PTPRG: variants seen among roughly 807,000 people sequenced by gnomAD.
The protein encoded by PTPRG is receptor-type tyrosine-protein phosphatase gamma.
PTPRG carries 102 observed loss-of-function variants against 165.3 expected under a neutral mutation model. The ratio of observed to expected loss-of-function variants is 0.62; its 90% CI spans 0.53 to 0.73. PTPRG has a LOEUF of 0.73. Among genes scored for constraint, PTPRG ranks in the 30% least tolerant of loss-of-function variants. The pLI, the probability that PTPRG is intolerant of heterozygous loss-of-function variation, is 0.00. For synonymous variants in PTPRG, 675 were observed against 669.5 expected, an observed-to-expected ratio of 1.01 and a Z score of -0.13; for missense variants, 1,866 against 1,861.4, an observed-to-expected ratio of 1.00 and a Z score of -0.05.
intron 1 of PTPRG, among the ~76,000 whole-genome samples, chr3:61,682,547 C>T (rs1323722729): frequency 6.6e-6 from 1 of 152,182 alleles, no homozygotes; most frequent in African/African-American, 2.4e-5. Flanking sequence ...TGTGTTTTTT[C>T]ACTAGGTCAG....
intron 1 of PTPRG, among the ~76,000 whole-genome samples, chr3:61,657,300 C>T (rs1181071540): frequency 6.6e-6 from 1 of 152,062 alleles, no homozygotes; most frequent in African/African-American, 2.4e-5. Context: ...CTATGACCTA[C>T]TTTCAGGGGA....
At chr3:61,838,074 G>T (rs1182433502) in intron 2 of PTPRG, among the ~76,000 whole-genome samples, 20 of 152,180 alleles carry the variant, frequency 1.3e-4, no homozygotes, top group Non-Finnish European at 1.6e-4. Flanking sequence ...TGTTGCAGGG[G>T]AGGCACAATT....
chr3:62,111,869 A>G (rs1702679566), intron 5 of PTPRG, among the ~76,000 whole-genome samples: 3 of 152,228 alleles, frequency 2.0e-5, no homozygotes, highest in Admixed American at 2.0e-4. Flanking sequence ...GATTTTGCAT[A>G]TCTGTCCTCA....
intron 1 of PTPRG, among the ~76,000 whole-genome samples, chr3:61,738,970 G>C (rs2032872782): frequency 1.2e-5 from 1 of 83,122 alleles, no homozygotes; most frequent in African/African-American, 4.7e-5. Context: ...TTGCTCTGTT[G>C]CTTTTTTTTT....
Position 62,195,229 on chromosome 3 carries a change from TCTGCTTCTTC to T in PTPRG, c.1327+65_1327+74del. ...CCCCTGAGACTCCCTCCCAATGCTT[TCTGCTTCTTC>T]CTGCTCAGGTGCTGGGGAAAAATAC... On this transcript the variant is annotated intron_variant, in intron 10 of 29. Coordinates refer to ENST00000474889, the MANE Select transcript of PTPRG (RefSeq NM_002841.4). The surrounding 1 kb of genome is among the most constrained non-coding windows in gnomAD (Gnocchi z 4.4). The T allele has an allele frequency of 7.0e-7, 1 of 1,427,696 alleles. No homozygotes were observed. Among genetic ancestry groups the T allele is most frequent in the South Asian group, 1.1e-5 (1 of 87,072 alleles). The allele number at this position is 1,427,696 out of a possible 1,614,324, so 88.4% of individuals were successfully genotyped here.
chr3:61,955,554 T>C (rs1406872757), intron 2 of PTPRG, among the ~76,000 whole-genome samples: 5 of 152,208 alleles, frequency 3.3e-5, no homozygotes, highest in African/African-American at 9.6e-5. Context: ...TCTATTTATA[T>C]GTATGCTTGG....
At chr3:62,056,957 G>C (rs1700654752) in intron 4 of PTPRG, among the ~76,000 whole-genome samples, 3 of 152,160 alleles carry the variant, frequency 2.0e-5, no homozygotes, top group Admixed American at 2.0e-4. Context: ...GACTGAAAGC[G>C]CATTATGCAT....
chr3:61,919,275 T>C (rs1241264517), intron 2 of PTPRG, among the ~76,000 whole-genome samples: 1 of 152,194 alleles, frequency 6.6e-6, no homozygotes, highest in Admixed American at 6.5e-5. Flanking sequence ...TGGTTGATCA[T>C]GCACAGTTAA....
chr3:61,984,987 G>C (rs957451377), intron 2 of PTPRG, among the ~76,000 whole-genome samples: 1 of 152,192 alleles, frequency 6.6e-6, no homozygotes, highest in African/African-American at 2.4e-5. Context: ...GAGGTGATTT[G>C]CCCTTCTTAC....
chr3:62,153,276 T>C (rs756824397), intron 6 of PTPRG, among the ~76,000 whole-genome samples: 5 of 152,246 alleles, frequency 3.3e-5, no homozygotes, highest in Non-Finnish European at 7.3e-5. Context: ...AATCTGGGCT[T>C]ACACTGGGCC....
intron 1 of PTPRG, among the ~76,000 whole-genome samples, chr3:61,630,856 G>C (rs2106927211): frequency 6.6e-6 from 1 of 152,160 alleles, no homozygotes; most frequent in Non-Finnish European, 1.5e-5. Context: ...AGGAGTTCGA[G>C]ACCAGCCTGG....
intron 2 of PTPRG, among the ~76,000 whole-genome samples, chr3:61,955,683 G>A (rs1228651565): frequency 6.6e-6 from 1 of 152,012 alleles, no homozygotes; most frequent in Non-Finnish European, 1.5e-5. Flanking sequence ...CTTTGGCACG[G>A]GAATGTTCTT....
chr3:62,178,320 A>C (rs900009779), intron 8 of PTPRG, among the ~76,000 whole-genome samples: 1 of 152,178 alleles, frequency 6.6e-6, no homozygotes, highest in East Asian at 1.9e-4. Flanking sequence ...TAACATATAC[A>C]TATCAGGTGG....
chr3:61,898,631 A>G (rs980957537), intron 2 of PTPRG, among the ~76,000 whole-genome samples: 1 of 152,208 alleles, frequency 6.6e-6, no homozygotes. Flanking sequence ...TTGCCCAGGC[A>G]TTACCTCTCC....
At chr3:61,651,714 T>C (rs1344652143) in intron 1 of PTPRG, among the ~76,000 whole-genome samples, 2 of 152,116 alleles carry the variant, frequency 1.3e-5, no homozygotes, top group Non-Finnish European at 2.9e-5. Context: ...ATGTAAGTCA[T>C]GTAAGAATCA....
At chr3:62,197,886 C>T (rs753123384) in intron 10 of PTPRG, among the ~76,000 whole-genome samples, 4 of 152,192 alleles carry the variant, frequency 2.6e-5, no homozygotes, top group Non-Finnish European at 4.4e-5. Flanking sequence ...TCCTTGTCTA[C>T]AGACTTTCTT....
intron 16 of PTPRG, among the ~76,000 whole-genome samples, chr3:62,258,633 C>A (rs73840291): frequency 0.037 from 5,633 of 152,250 alleles, 367 homozygotes; most frequent in African/African-American, 0.13. Flanking sequence ...TTCACTGGTA[C>A]CTTTGACTCT....
intron 28 of PTPRG, among the ~76,000 whole-genome samples, chr3:62,284,837 T>C (rs549587411): frequency 2.0e-5 from 3 of 152,152 alleles, no homozygotes; most frequent in African/African-American, 7.2e-5. Flanking sequence ...CAGTAGACTT[T>C]TGAAAATCTT....
At chr3:62,016,728 A>C (rs936417787) in intron 4 of PTPRG, among the ~76,000 whole-genome samples, 3 of 152,122 alleles carry the variant, frequency 2.0e-5, no homozygotes, top group East Asian at 1.9e-4. Flanking sequence ...GTGGTTTCCA[A>C]TCACATGTTG....
Sources: allele counts gnomAD v4.1 joint callset (sites outside exome capture counted in the v4.1 genomes callset), GRCh38; gene constraint gnomAD v4.1.1; non-coding constraint Gnocchi (gnomAD v3.1); transcripts MANE v1.5; gene names NCBI Gene and HGNC (gene_info 2026-07-23, HGNC 2026-07-21).